The following KIF18A variants were observed in gnomAD, a reference collection of about 807,000 sequenced individuals.
KIF18A encodes the protein kinesin family member 18A.
A neutral mutation model predicts 103.3 loss-of-function variants in KIF18A; 67 were observed. The observed-to-expected ratio is 0.65, with a 90% CI of 0.53 to 0.79. KIF18A has a LOEUF of 0.79. KIF18A is among the 30% of genes least tolerant of loss of function. The pLI, the probability that KIF18A is intolerant of heterozygous loss-of-function variation, is 0.00. For missense variants in KIF18A, 1,032 were observed against 1,062.5 expected, an observed-to-expected ratio of 0.97 and a Z score of 0.40; for synonymous variants, 367 against 355.5, an observed-to-expected ratio of 1.03 and a Z score of -0.36.
intron 13 of KIF18A, among the ~76,000 whole-genome samples, chr11:28,037,310 G>A (rs2133497767): frequency 6.6e-6 from 1 of 151,550 alleles, no homozygotes; most frequent in East Asian, 2.0e-4. Flanking sequence ...CTCAGTAGCT[G>A]CAGATTCTGC....
At chr11:28,037,708 A>C (rs916567169) in intron 13 of KIF18A, among the ~76,000 whole-genome samples, 1 of 151,626 alleles carries the variant, frequency 6.6e-6, no homozygotes, top group Admixed American at 6.6e-5. Flanking sequence ...AATAATTCAG[A>C]GAGTTCAGAG....
Position 28,036,642 on chromosome 11 carries a change from A to T in KIF18A, c.1971T>A (p.Asn657Lys), listed in dbSNP as rs1350048358. 1 of 1,602,846 alleles carries T rather than the reference A, an allele frequency of 6.2e-7. No homozygotes were observed. ...TTTTTTCTGTAGGAATCTTAACCAG[A>T]TTAGTTCCACCTGAAGATGAGCCTA... The part of the protein sequence containing the change: ...IPCCSSSGGT[N>K]LVKIPTEKRT... Residue 657 changes from asparagine (N) to lysine (K), a missense_variant, in exon 14 of 17, where the codon AAT becomes AAA. By Grantham distance (94) the Asn-to-Lys change is moderately conservative. Coordinates refer to ENST00000263181, the MANE Select transcript of KIF18A (RefSeq NM_031217.4).
At chr11:28,041,646 G>A (rs1421225071) in intron 13 of KIF18A, among the ~76,000 whole-genome samples, 1 of 151,792 alleles carries the variant, frequency 6.6e-6, no homozygotes, top group East Asian at 1.9e-4. Context: ...AGGAAAAAGA[G>A]TGATTTGCTT....
At chr11:28,099,471 A>G (rs1851419299) in intron 1 of KIF18A, among the ~76,000 whole-genome samples, 1 of 152,136 alleles carries the variant, frequency 6.6e-6, no homozygotes. Context: ...TTCTCACAAC[A>G]AAAAAATGGT....
intron 9 of KIF18A, among the ~76,000 whole-genome samples, chr11:28,078,078 G>A (rs1851118641): frequency 6.6e-6 from 1 of 152,030 alleles, no homozygotes; most frequent in South Asian, 2.1e-4. Flanking sequence ...TCATAACAGT[G>A]AAGACTTTAA....
Position 28,044,186 on chromosome 11 carries a change from G to T in KIF18A, c.1949-7522C>A, listed in dbSNP as rs76632686. ...TGAAGTTTTACTCTCTGGATAGGCTGTAGACTGGGGCCAACATGCACAGCT... is the reference window on the plus strand; with the variant it reads ...TGAAGTTTTACTCTCTGGATAGGCTTTAGACTGGGGCCAACATGCACAGCT... On this transcript the variant is annotated intron_variant, in intron 13 of 16. Coordinates refer to ENST00000263181, the MANE Select transcript of KIF18A (RefSeq NM_031217.4). Among the ~76,000 whole-genome samples the T allele has an allele frequency of 5.7e-3, 873 of 152,110 alleles. 10 individuals carry two copies. The highest frequency in any genetic ancestry group is 0.02 in the African/African-American group (839 of 41,522).
chr11:28,044,319 CA>C (rs1441682909), intron 13 of KIF18A, among the ~76,000 whole-genome samples: 1 of 151,828 alleles, frequency 6.6e-6, no homozygotes, highest in Non-Finnish European at 1.5e-5. Flanking sequence ...AATGGAAAAT[CA>C]AAAAGTTCTT....
intron 11 of KIF18A, among the ~76,000 whole-genome samples, chr11:28,068,917 T>TAC (rs900950547): frequency 2.6e-5 from 4 of 152,144 alleles, no homozygotes; most frequent in East Asian, 1.9e-4. Context: ...TATCTTCAGT[T>TAC]ACACACACAC....
At chr11:28,031,217 A>G (rs550644368) in intron 15 of KIF18A, among the ~76,000 whole-genome samples, 9 of 152,302 alleles carry the variant, frequency 5.9e-5, no homozygotes, top group Non-Finnish European at 1.0e-4. Flanking sequence ...ATGCTGCTAT[A>G]AAGACACATG....
Position 28,084,678 on chromosome 11 carries a change from T to C in KIF18A, c.1028A>G (p.Tyr343Cys), listed in dbSNP as rs754298032. Residue 343 changes from tyrosine to cysteine, a missense_variant, in exon 7 of 17, where the codon TAT (tyrosine) becomes TGT (cysteine). By Grantham distance (194) the Tyr-to-Cys change is radical. Coordinates refer to ENST00000263181, the MANE Select transcript of KIF18A (RefSeq NM_031217.4). Reference protein sequence around the residue: ...SPSSVFYDDTYNTLKYANRAK... With the variant: ...SPSSVFYDDTCNTLKYANRAK... ...CCGGTTAGCATACTTAAGAGTGTTA[T>C]ATGTGTCATCGTAGAATACAGAGGA... The C allele has an allele frequency of 2.1e-5, 34 of 1,613,020 alleles. No individual in the cohort carries two copies. The highest frequency in any genetic ancestry group is 2.6e-5 in the Non-Finnish European group (31 of 1,179,164).
At chr11:28,070,194 G>C (rs1045706736) in intron 10 of KIF18A, among the ~76,000 whole-genome samples, 1 of 152,082 alleles carries the variant, frequency 6.6e-6, no homozygotes, top group African/African-American at 2.4e-5. Context: ...TTTGCAGCTG[G>C]TTCTGGAAGC....
rs1590713823 is a variant in KIF18A, at chr11:28,099,121, G to T, written c.-46-1128C>A. 2.0e-5 allele frequency among the ~76,000 whole-genome samples: 3 copies of T among 152,260 alleles called. No homozygotes were observed. The Middle Eastern group carries it at 0.01, about 518-fold the overall frequency. On this transcript the variant is annotated intron_variant, in intron 1 of 16. Transcript: ENST00000263181. The stretch of plus-strand genomic sequence containing the variant: ...CAACAGATAAATAGATCGAAAAAAT[G>T]TGGTATATGCACTCAATGAAATACT...
chr11:28,021,124 T>C lies in KIF18A; in HGVS notation c.*76A>G. The stretch of plus-strand genomic sequence containing the variant: ...TGGGTCTTCTTTCAAAGATTTTAAA[T>C]ATATTTTTGAAAGGGTATTGATAAA... On this transcript the variant is annotated 3_prime_UTR_variant, in exon 17 of 17. Coordinates refer to ENST00000263181, the MANE Select transcript of KIF18A (RefSeq NM_031217.4). 7.7e-7 allele frequency: 1 copy of C among 1,297,610 alleles called. No individual in the cohort carries two copies. The allele number at this position is 1,297,610 out of a possible 1,614,324, so 80.4% of individuals were successfully genotyped here. A position where few individuals can be genotyped will look rare whatever the true frequency, so the allele number is the denominator to read the frequency against.
chr11:28,039,225 C>G (rs894544694), intron 13 of KIF18A, among the ~76,000 whole-genome samples: 1 of 151,634 alleles, frequency 6.6e-6, no homozygotes, highest in African/African-American at 2.4e-5. Flanking sequence ...GTTAATATTA[C>G]AACTTTTACA....
chr11:28,100,043 C>T (rs969915051), intron 1 of KIF18A, among the ~76,000 whole-genome samples: 10 of 151,954 alleles, frequency 6.6e-5, no homozygotes, highest in Non-Finnish European at 1.0e-4. Flanking sequence ...AATTTACTGA[C>T]AGGTAGATGT....
chr11:28,077,588 T>C (rs1278382624), intron 9 of KIF18A, among the ~76,000 whole-genome samples: 1 of 152,164 alleles, frequency 6.6e-6, no homozygotes, highest in Non-Finnish European at 1.5e-5. Flanking sequence ...CACAGCATTA[T>C]GTGTTGTTAC....
intron 6 of KIF18A, among the ~76,000 whole-genome samples, chr11:28,087,420 T>A (rs1332421674): frequency 6.6e-6 from 1 of 152,224 alleles, no homozygotes; most frequent in Non-Finnish European, 1.5e-5. Flanking sequence ...CATGAACTCA[T>A]CCTTTTTCAT....
At chr11:28,040,953 A>C (rs1369779441) in intron 13 of KIF18A, among the ~76,000 whole-genome samples, 2 of 151,810 alleles carry the variant, frequency 1.3e-5, no homozygotes, top group African/African-American at 4.8e-5. Flanking sequence ...GCATAATGTC[A>C]AAAAATTTAA....
intron 7 of KIF18A, among the ~76,000 whole-genome samples, chr11:28,084,107 A>G (rs1448671488): frequency 6.6e-6 from 1 of 152,166 alleles, no homozygotes; most frequent in Non-Finnish European, 1.5e-5. Flanking sequence ...TTCTGGAGAA[A>G]TACAGAGATT....
Sources: gnomAD v4.1 joint callset for allele counts (sites outside exome capture counted in the v4.1 genomes callset) on GRCh38, gnomAD v4.1.1 for gene constraint, MANE v1.5 for transcripts, NCBI Gene and HGNC (gene_info 2026-07-23, HGNC 2026-07-21) for gene names.